STXBP5L: variants seen among roughly 807,000 people sequenced by gnomAD.
STXBP5L encodes the protein syntaxin-binding protein 5-like.
A neutral mutation model predicts 144.5 loss-of-function variants in STXBP5L; 65 were observed. The observed-to-expected ratio is 0.45, with a 90% CI of 0.37 to 0.55. The LOEUF is 0.55. STXBP5L is among the 20% of genes least tolerant of loss of function. The pLI is 0.00. For synonymous variants in STXBP5L, 505 were observed against 469.6 expected, an observed-to-expected ratio of 1.08 and a Z score of -0.97; for missense variants, 1,298 against 1,405.5, an observed-to-expected ratio of 0.92 and a Z score of 1.22.
At chr3:121,061,658 GT>G (rs2041284755) in intron 5 of STXBP5L, among the ~76,000 whole-genome samples, 1 of 152,188 alleles carries the variant, frequency 6.6e-6, no homozygotes, top group Admixed American at 6.5e-5. Flanking sequence ...GCTCCTGTAT[GT>G]GGTGCAGATA....
Position 121,317,129 on chromosome 3 carries a change from C to T in STXBP5L, c.2111-1346C>T, listed in dbSNP as rs188107121. The stretch of plus-strand genomic sequence containing the variant: ...TCCAGATTAATGGTAATATTTATAT[C>T]AGTAAATATTATGTGTACTATGATT... On this transcript the variant is annotated intron_variant, in intron 19 of 26. Coordinates refer to ENST00000471454, the MANE Select transcript of STXBP5L (RefSeq NM_001308330.2). 6.1e-4 allele frequency among the ~76,000 whole-genome samples: 93 copies of T among 152,112 alleles called. 3 individuals carry two copies. The highest frequency in any genetic ancestry group is 3.9e-4 in the Admixed American group (6 of 15,276).
chr3:120,958,091 G>T (rs1164411673), intron 3 of STXBP5L, among the ~76,000 whole-genome samples: 1 of 151,998 alleles, frequency 6.6e-6, no homozygotes, highest in African/African-American at 2.4e-5. Flanking sequence ...CACCGATCCT[G>T]CAGAAATACA....
At chr3:121,070,940 C>T (rs1340593189) in intron 5 of STXBP5L, among the ~76,000 whole-genome samples, 1 of 152,170 alleles carries the variant, frequency 6.6e-6, no homozygotes, top group African/African-American at 2.4e-5. Context: ...AACTCTGGGT[C>T]ATAACATAGT....
At chr3:121,260,030 C>T (rs372062506) in intron 18 of STXBP5L, among the ~76,000 whole-genome samples, 76 of 152,110 alleles carry the variant, frequency 5.0e-4, no homozygotes, top group African/African-American at 1.8e-3. Context: ...TTGTAGCCCT[C>T]CACAGAGGTT....
chr3:121,030,733 A>T (rs759225512), intron 3 of STXBP5L, among the ~76,000 whole-genome samples: 5 of 152,098 alleles, frequency 3.3e-5, no homozygotes, highest in Non-Finnish European at 5.9e-5. Flanking sequence ...CTGATCAGAA[A>T]TTCTCAGTGT....
intron 20 of STXBP5L, among the ~76,000 whole-genome samples, chr3:121,367,101 C>A (rs1055704430): frequency 2.6e-5 from 4 of 152,160 alleles, no homozygotes; most frequent in Admixed American, 6.5e-5. Context: ...TACCCCACAA[C>A]ATGAACTAAT....
chr3:121,362,935 C>T (rs2045757052), intron 20 of STXBP5L, among the ~76,000 whole-genome samples: 1 of 152,108 alleles, frequency 6.6e-6, no homozygotes, highest in African/African-American at 2.4e-5. Context: ...CCTAGGGGCT[C>T]TACAGTTAGG....
At chr3:121,392,147 T>G (rs2046604936) in intron 22 of STXBP5L, among the ~76,000 whole-genome samples, 1 of 151,004 alleles carries the variant, frequency 6.6e-6, no homozygotes, top group African/African-American at 2.4e-5. Context: ...ACCTTGCAGA[T>G]CAATCTCAGA....
At chr3:121,179,709 T>C (rs1442605223) in intron 9 of STXBP5L, among the ~76,000 whole-genome samples, 1 of 151,758 alleles carries the variant, frequency 6.6e-6, no homozygotes, top group African/African-American at 2.4e-5. Context: ...GGATGAAAAA[T>C]TTTCCAGATA....
chr3:121,092,483 T>G (rs966613781), intron 5 of STXBP5L, among the ~76,000 whole-genome samples: 2 of 152,176 alleles, frequency 1.3e-5, no homozygotes, highest in Admixed American at 6.5e-5. Context: ...AAGAGGTCCT[T>G]CACGTCCCTT....
intron 9 of STXBP5L, among the ~76,000 whole-genome samples, chr3:121,176,855 G>C (rs574808409): frequency 1.3e-5 from 2 of 151,630 alleles, no homozygotes; most frequent in African/African-American, 2.4e-5. Flanking sequence ...GATCAGCAAA[G>C]AAAATATAAC....
chr3:120,977,714 T>C (rs1298674434), intron 3 of STXBP5L, among the ~76,000 whole-genome samples: 3 of 152,210 alleles, frequency 2.0e-5, no homozygotes, highest in African/African-American at 7.2e-5. Context: ...AGTGCTTCCT[T>C]CAGGAGCTCT....
intron 7 of STXBP5L, among the ~76,000 whole-genome samples, chr3:121,140,628 G>A (rs938957312): frequency 1.3e-5 from 2 of 152,088 alleles, no homozygotes; most frequent in African/African-American, 4.8e-5. Flanking sequence ...AGGGAAATAA[G>A]CCAGAAACAG....
chr3:121,172,822 A>T (rs1226629340), intron 9 of STXBP5L, among the ~76,000 whole-genome samples: 2 of 152,234 alleles, frequency 1.3e-5, no homozygotes, highest in Admixed American at 6.5e-5. Context: ...CAGCTATCCC[A>T]TTACTGGGTG....
intron 9 of STXBP5L, among the ~76,000 whole-genome samples, chr3:121,179,735 G>T (rs1329986361): frequency 6.6e-6 from 1 of 151,966 alleles, no homozygotes; most frequent in Non-Finnish European, 1.5e-5. Context: ...ATATCATAAA[G>T]AAAAAACAAT....
chr3:121,132,998 C>A (rs565473829), intron 7 of STXBP5L, among the ~76,000 whole-genome samples: 135 of 152,174 alleles, frequency 8.9e-4, no homozygotes, highest in Non-Finnish European at 1.6e-3. Context: ...TTATGGGGTA[C>A]AATTAAAGTG....
chr3:121,390,790 A>G (rs943025052), intron 22 of STXBP5L, among the ~76,000 whole-genome samples: 3 of 151,868 alleles, frequency 2.0e-5, no homozygotes, highest in African/African-American at 4.8e-5. Context: ...TGGGTAACTC[A>G]ACCTTTCTCT....
At position 121,082,470 on chromosome 3, in the gene STXBP5L, T is replaced by A. The variant is rs577193623; in HGVS notation, c.471-32455T>A. Among the ~76,000 whole-genome samples, 16 of 152,352 alleles carry A rather than the reference T, an allele frequency of 1.1e-4. No homozygotes were observed. The South Asian group carries it at 2.3e-3, about 22-fold the overall frequency. On this transcript the variant is annotated intron_variant, in intron 5 of 26. Coordinates refer to ENST00000471454, the MANE Select transcript of STXBP5L (RefSeq NM_001308330.2). Reference sequence around the variant, plus strand: ...CCTGCAACTTTGCTGAACTCACTAGTAAGTTTCAGGCAGAGGCAGCTTTAT... The same window carrying A: ...CCTGCAACTTTGCTGAACTCACTAGAAAGTTTCAGGCAGAGGCAGCTTTAT...
At chr3:121,078,937 C>T (rs1430787430) in intron 5 of STXBP5L, among the ~76,000 whole-genome samples, 2 of 152,242 alleles carry the variant, frequency 1.3e-5, no homozygotes, top group African/African-American at 4.8e-5. Context: ...ATGCCTCTCC[C>T]TCCACACCTA....
Sources: gnomAD v4.1 joint callset for allele counts (sites outside exome capture counted in the v4.1 genomes callset) on GRCh38, gnomAD v4.1.1 for gene constraint, MANE v1.5 for transcripts, NCBI Gene and HGNC (gene_info 2026-07-23, HGNC 2026-07-21) for gene names.